The following KIF13B variants were observed in gnomAD, a reference collection of about 807,000 sequenced individuals.
The protein encoded by KIF13B is kinesin-like protein KIF13B.
In KIF13B, 127 loss-of-function variants were observed where a neutral mutation model predicts 222.0. That is an observed-to-expected ratio of 0.57 (90% confidence interval 0.50 to 0.66). KIF13B has a LOEUF of 0.66. KIF13B is among the 30% of genes least tolerant of loss of function. The pLI is 0.00. For missense variants in KIF13B, 2,173 were observed against 2,379.0 expected, an observed-to-expected ratio of 0.91 and a Z score of 1.80; for synonymous variants, 976 against 919.0, an observed-to-expected ratio of 1.06 and a Z score of -1.12.
chr8:29,239,247 G>C (rs1815653046), intron 2 of KIF13B, among the ~76,000 whole-genome samples: 1 of 152,166 alleles, frequency 6.6e-6, no homozygotes, highest in Non-Finnish European at 1.5e-5. Context: ...GTTCTTTCCT[G>C]TCAGGTTTTG....
At chr8:29,263,126 G>T, upstream of KIF13B, 2 of 1,114,750 alleles carry the variant, frequency 1.8e-6, no homozygotes, top group Non-Finnish European at 2.6e-6. Context: ...GCCGGGGGCG[G>T]AGCCGGGGGT....
At chr8:29,166,119 C>T (rs375074044) in intron 11 of KIF13B, among the ~76,000 whole-genome samples, 1 of 152,176 alleles carries the variant, frequency 6.6e-6, no homozygotes, top group East Asian at 1.9e-4. Flanking sequence ...TCATTCTAGC[C>T]CTTATTGATG....
chr8:29,216,812 A>G (rs1314428143), intron 2 of KIF13B, among the ~76,000 whole-genome samples: 3 of 152,144 alleles, frequency 2.0e-5, no homozygotes, highest in African/African-American at 2.4e-5. Flanking sequence ...AGACTGGGCT[A>G]TGACCTAGGG....
rs556524254 is a variant in KIF13B, at chr8:29,180,923, G to A, written c.586-685C>T. ...CCATCTGCCTTACAAGGATCTTAAT[G>A]AGGAGTGAGAAAAATGTATGTGCAA... On this transcript the variant is annotated intron_variant, in intron 7 of 39. Transcript: ENST00000524189. Among the ~76,000 whole-genome samples the A allele has an allele frequency of 5.9e-5, 9 of 152,134 alleles. No homozygotes were observed. The South Asian group carries it at 1.7e-3, about 28-fold the overall frequency.
At chr8:29,207,644 T>C (rs1010447973) in intron 2 of KIF13B, among the ~76,000 whole-genome samples, 5 of 151,948 alleles carry the variant, frequency 3.3e-5, no homozygotes, top group Admixed American at 6.6e-5. Flanking sequence ...TATCCAAAGA[T>C]TGGAATTCCA....
At chr8:29,186,219 G>T in intron 6 of KIF13B, 73 bp downstream of exon 6, 3 of 1,216,082 alleles carry the variant, frequency 2.5e-6, no homozygotes, top group Non-Finnish European at 3.5e-6. Flanking sequence ...AAATTAAAAA[G>T]ATTTGCACTT....
chr8:29,125,938 C>G (rs370281110), intron 26 of KIF13B, among the ~76,000 whole-genome samples: 2 of 152,042 alleles, frequency 1.3e-5, no homozygotes, highest in East Asian at 3.9e-4. Flanking sequence ...GAAACCCCGT[C>G]TCTAGTAAAG....
At chr8:29,254,021 A>G (rs1237822744) in intron 1 of KIF13B, among the ~76,000 whole-genome samples, 1 of 152,186 alleles carries the variant, frequency 6.6e-6, no homozygotes, top group Non-Finnish European at 1.5e-5. Context: ...TGGAATTGGG[A>G]GTCCAGAAAC....
At chr8:29,166,436 C>T (rs767017141) in intron 11 of KIF13B, among the ~76,000 whole-genome samples, 5 of 152,136 alleles carry the variant, frequency 3.3e-5, no homozygotes, top group South Asian at 2.1e-4. Context: ...CGGTGGCTCA[C>T]GCCTGTAATC....
chr8:29,149,388 T>G (rs1403316981), intron 15 of KIF13B, among the ~76,000 whole-genome samples: 1 of 152,146 alleles, frequency 6.6e-6, no homozygotes, highest in African/African-American at 2.4e-5. Flanking sequence ...TACAGAAAAG[T>G]CAGTATGACA....
chr8:29,133,319 T>C (rs763462835), intron 22 of KIF13B, among the ~76,000 whole-genome samples: 86 of 152,362 alleles, frequency 5.6e-4, no homozygotes, highest in African/African-American at 2.0e-3. Flanking sequence ...CTGGGTGTGG[T>C]GGCTCATGCC....
At chr8:29,172,586 A>C (rs1383409656) in intron 10 of KIF13B, among the ~76,000 whole-genome samples, 1 of 152,258 alleles carries the variant, frequency 6.6e-6, no homozygotes, top group Non-Finnish European at 1.5e-5. Flanking sequence ...GACTGGTAAT[A>C]TGAAGTGAGT....
intron 1 of KIF13B, among the ~76,000 whole-genome samples, chr8:29,260,761 C>T (rs1419118950): frequency 6.6e-6 from 1 of 151,974 alleles, no homozygotes; most frequent in Non-Finnish European, 1.5e-5. Context: ...GGATTACAGG[C>T]GTCCACCACC....
At chr8:29,222,018 TATTA>T (rs557391139) in intron 2 of KIF13B, among the ~76,000 whole-genome samples, 1 of 152,112 alleles carries the variant, frequency 6.6e-6, no homozygotes, top group Non-Finnish European at 1.5e-5. Flanking sequence ...TATAAATTCT[TATTA>T]ATTAACCACT....
At chr8:29,262,793 A>T (rs1396443761) in intron 1 of KIF13B, among the ~76,000 whole-genome samples, 187 bp downstream of exon 1, 2 of 144,396 alleles carry the variant, frequency 1.4e-5, no homozygotes, top group Admixed American at 1.4e-4. Context: ...CCAGGGGGGA[A>T]GGGAGGGGAG....
intron 35 of KIF13B, among the ~76,000 whole-genome samples, chr8:29,101,012 G>A (rs1338653071): frequency 6.6e-6 from 1 of 152,164 alleles, no homozygotes; most frequent in African/African-American, 2.4e-5. Context: ...TGATGGTCAG[G>A]ATTGATTAGG....
intron 10 of KIF13B, among the ~76,000 whole-genome samples, chr8:29,169,633 G>A (rs752732692): frequency 1.4e-4 from 21 of 152,118 alleles, no homozygotes; most frequent in Non-Finnish European, 3.1e-4. Context: ...GTATGACATG[G>A]GAAGAACTAT....
At chr8:29,104,582 A>C (rs1161310128) in intron 35 of KIF13B, among the ~76,000 whole-genome samples, 2 of 152,140 alleles carry the variant, frequency 1.3e-5, no homozygotes, top group Admixed American at 6.6e-5. Flanking sequence ...GACCATTAAA[A>C]CAAACTTTTT....
chr8:29,248,977 C>G (rs569286960), intron 1 of KIF13B, among the ~76,000 whole-genome samples: 1 of 152,278 alleles, frequency 6.6e-6, no homozygotes, highest in South Asian at 2.1e-4. Flanking sequence ...ACTAAAAACA[C>G]TGAATTGGTT....
Sources: gnomAD v4.1 joint callset for allele counts (sites outside exome capture counted in the v4.1 genomes callset) on GRCh38, gnomAD v4.1.1 for gene constraint, MANE v1.5 for transcripts, NCBI Gene and HGNC (gene_info 2026-07-23, HGNC 2026-07-21) for gene names.